ELMO1: variants seen among roughly 807,000 people sequenced by gnomAD.
The protein encoded by ELMO1 is engulfment and cell motility protein 1.
ELMO1 carries 26 observed loss-of-function variants against 98.9 expected under a neutral mutation model. That is an observed-to-expected ratio of 0.26 (90% CI 0.19 to 0.36). The LOEUF (loss-of-function observed/expected upper bound fraction) is 0.36, where lower values mean the gene tolerates loss of function less well. Among genes scored for constraint, ELMO1 ranks in the 10% least tolerant of loss-of-function variants. The pLI is 1.00. For missense variants in ELMO1, 627 were observed against 935.2 expected, an observed-to-expected ratio of 0.67 and a Z score of 4.30; for synonymous variants, 346 against 346.0, an observed-to-expected ratio of 1.00 and a Z score of 0.00.
chr7:37,235,459 G>A (rs1167517431), intron 7 of ELMO1, among the ~76,000 whole-genome samples: 1 of 152,152 alleles, frequency 6.6e-6, no homozygotes, highest in Admixed American at 6.5e-5. Flanking sequence ...ATAACTAATA[G>A]TGGATATTTG....
chr7:37,384,569 A>G lies in ELMO1; in HGVS notation c.-73-41806T>C, dbSNP rs2131396871. Among the ~76,000 whole-genome samples, 3 of 152,182 alleles carry G rather than the reference A, an allele frequency of 2.0e-5. No individual in the cohort carries two copies. The Middle Eastern group carries it at 0.01, about 518-fold the overall frequency. On this transcript the variant is annotated intron_variant, in intron 1 of 21. Coordinates refer to ENST00000310758, the MANE Select transcript of ELMO1 (RefSeq NM_014800.11). Reference sequence around the variant, plus strand: ...CCCCGTCTCTACTAAAAATACAAAAAATTAGCCGGGCGCGGTGGTGGGCGC... The same window carrying G: ...CCCCGTCTCTACTAAAAATACAAAAGATTAGCCGGGCGCGGTGGTGGGCGC...
intron 11 of ELMO1, among the ~76,000 whole-genome samples, chr7:37,215,516 C>G (rs181216519): frequency 1.4e-4 from 21 of 152,282 alleles, no homozygotes; most frequent in South Asian, 1.0e-3. Context: ...ACCCACCCCC[C>G]ACTCCTCTAC....
intron 1 of ELMO1, among the ~76,000 whole-genome samples, chr7:37,433,458 A>G (rs1416593351): frequency 1.3e-5 from 2 of 152,152 alleles, no homozygotes; most frequent in Non-Finnish European, 2.9e-5. Flanking sequence ...CACACATATC[A>G]TATGGTCCAG....
intron 16 of ELMO1, among the ~76,000 whole-genome samples, chr7:36,980,748 A>G (rs1790980245): frequency 6.6e-6 from 1 of 152,206 alleles, no homozygotes; most frequent in Non-Finnish European, 1.5e-5. Flanking sequence ...GCATCTCTGC[A>G]CTCACTGAAA....
intron 1 of ELMO1, among the ~76,000 whole-genome samples, chr7:37,389,760 G>C (rs1354574846): frequency 6.6e-6 from 1 of 152,042 alleles, no homozygotes; most frequent in Non-Finnish European, 1.5e-5. Flanking sequence ...GGAGTGTAGG[G>C]GAACCAAATA....
intron 16 of ELMO1, among the ~76,000 whole-genome samples, chr7:36,950,059 T>C (rs1787841326): frequency 6.6e-6 from 1 of 152,152 alleles, no homozygotes; most frequent in African/African-American, 2.4e-5. Flanking sequence ...CATTCTCCCC[T>C]TCTCACTCAC....
chr7:36,894,433 A>G (rs1270705143), intron 17 of ELMO1, among the ~76,000 whole-genome samples: 1 of 152,172 alleles, frequency 6.6e-6, no homozygotes. Context: ...ATTTAGATTC[A>G]TGCTACTTTC....
intron 15 of ELMO1, among the ~76,000 whole-genome samples, chr7:37,023,188 C>A (rs1376302393): frequency 6.6e-6 from 1 of 152,188 alleles, no homozygotes; most frequent in Non-Finnish European, 1.5e-5. Flanking sequence ...ATAGCAGTTA[C>A]ATGGGCAGTT....
chr7:37,070,915 T>C (rs111753974), intron 15 of ELMO1, among the ~76,000 whole-genome samples: 74 of 152,320 alleles, frequency 4.9e-4, no homozygotes, highest in African/African-American at 1.6e-3. Flanking sequence ...GTTAACTCAA[T>C]GAGATTAGTG....
chr7:37,088,508 TTAAC>T (rs1783901604), intron 15 of ELMO1, among the ~76,000 whole-genome samples: 4 of 152,200 alleles, frequency 2.6e-5, no homozygotes, highest in East Asian at 1.9e-4. Context: ...ACAAAGCACT[TTAAC>T]TAACATTTCC....
At chr7:36,909,270 A>G (rs1584352396) in intron 16 of ELMO1, among the ~76,000 whole-genome samples, 1 of 152,360 alleles carries the variant, frequency 6.6e-6, no homozygotes, top group East Asian at 1.9e-4. Flanking sequence ...GGTGTTTATT[A>G]TAAATGAAAT....
intron 1 of ELMO1, among the ~76,000 whole-genome samples, chr7:37,418,909 G>A (rs1369294607): frequency 6.6e-6 from 1 of 152,098 alleles, no homozygotes; most frequent in Non-Finnish European, 1.5e-5. Flanking sequence ...GCTAGGAGTC[G>A]GGTACTCGCA....
chr7:36,962,652 T>G (rs1221397562), intron 16 of ELMO1, among the ~76,000 whole-genome samples: 1 of 133,000 alleles, frequency 7.5e-6, no homozygotes, highest in Non-Finnish European at 1.6e-5. Flanking sequence ...GAGTTATGCA[T>G]CTAAGGGAAT....
rs10669717 is a variant in ELMO1, at chr7:37,328,383, C to CAAAAAAAAAAAAAA, written c.79-12437_79-12424dup. ...TGGGCAACATAGGGAGACCCTGCCACAAAAAAAAAAAAAAAAAAAAAAAAA... is the reference window on the plus strand; with the variant it reads ...TGGGCAACATAGGGAGACCCTGCCACAAAAAAAAAAAAAAAAAAAAAAAAAAAAAAAAAAAAAAA... On this transcript the variant is annotated intron_variant, in intron 2 of 21. Transcript: ENST00000310758. Among the ~76,000 whole-genome samples the CAAAAAAAAAAAAAA allele has an allele frequency of 9.3e-5, 6 of 64,854 alleles. 1 individual carries two copies. Among genetic ancestry groups the CAAAAAAAAAAAAAA allele is most frequent in the Non-Finnish European group, 1.7e-4 (6 of 35,054 alleles). 42.5% of individuals were successfully genotyped at this position (64,854 alleles called of 152,430 possible).
intron 4 of ELMO1, among the ~76,000 whole-genome samples, chr7:37,280,523 C>T (rs1471778528): frequency 6.6e-6 from 1 of 151,702 alleles, no homozygotes; most frequent in African/African-American, 2.4e-5. Flanking sequence ...AAAATCCCAT[C>T]AAAAAGTGGG....
At chr7:37,212,595 C>T (rs1793038506) in intron 12 of ELMO1, among the ~76,000 whole-genome samples, 1 of 152,196 alleles carries the variant, frequency 6.6e-6, no homozygotes, top group African/African-American at 2.4e-5. Context: ...TCATTCTTAA[C>T]CGTATGGCCT....
chr7:37,168,359 C>G (rs747440808), intron 13 of ELMO1, among the ~76,000 whole-genome samples: 34 of 152,328 alleles, frequency 2.2e-4, no homozygotes, highest in Non-Finnish European at 4.1e-4. Context: ...CTCCGTCCAG[C>G]TTTGTTCCAT....
intron 15 of ELMO1, among the ~76,000 whole-genome samples, chr7:37,077,487 T>C (rs1264051047): frequency 2.0e-5 from 3 of 152,314 alleles, no homozygotes; most frequent in African/African-American, 4.8e-5. Context: ...ATGGGAGTTT[T>C]AGACAGGTCT....
chr7:37,125,754 C>T (rs993809378), intron 14 of ELMO1, among the ~76,000 whole-genome samples: 11 of 152,248 alleles, frequency 7.2e-5, no homozygotes, highest in African/African-American at 2.6e-4. Flanking sequence ...CCTCAAGAAT[C>T]GAGAACTAGA....
Sources: allele counts gnomAD v4.1 joint callset (sites outside exome capture counted in the v4.1 genomes callset), GRCh38; gene constraint gnomAD v4.1.1; transcripts MANE v1.5; gene names NCBI Gene and HGNC (gene_info 2026-07-23, HGNC 2026-07-21).